The following KLHL22 variants were observed in gnomAD, a reference collection of about 807,000 sequenced individuals.
The protein encoded by KLHL22 is kelch like family member 22, also known as kelch-like protein 22.
A neutral mutation model predicts 60.7 loss-of-function variants in KLHL22; 18 were observed. The observed-to-expected ratio is 0.30, with a 90% confidence interval of 0.20 to 0.44. KLHL22 has a LOEUF of 0.44. KLHL22 is among the 20% of genes least tolerant of loss of function. KLHL22 has a pLI of 1.00. For missense variants in KLHL22, 596 were observed against 852.3 expected (o/e 0.70, Z 3.74); for synonymous variants, 355 against 354.5 (o/e 1.00, Z -0.01).
At chr22:20,464,778 C>T (rs187622741) in intron 4 of KLHL22, 80 bp downstream of exon 4, 1 of 869,294 alleles carries the variant, frequency 1.2e-6, no homozygotes, top group Non-Finnish European at 1.8e-6. Context: ...TGGGGGGAAC[C>T]TGACCAGCTC....
intron 1 of KLHL22, among the ~76,000 whole-genome samples, chr22:20,489,577 T>C (rs756843746): frequency 6.6e-6 from 1 of 152,158 alleles, no homozygotes; most frequent in Non-Finnish European, 1.5e-5. Context: ...ATGACCAAAC[T>C]GAGCCTCGAG....
chr22:20,474,153 C>T (rs958617311), intron 2 of KLHL22, among the ~76,000 whole-genome samples: 15 of 152,082 alleles, frequency 9.9e-5, no homozygotes, highest in African/African-American at 3.4e-4. Context: ...GTGCCCCCCA[C>T]CACGCCCAGC....
intron 5 of KLHL22, chr22:20,450,940 G>T (rs2052966961): frequency 6.2e-7 from 1 of 1,611,352 alleles, no homozygotes; most frequent in Admixed American, 1.7e-5. Context: ...CAGGACAAGG[G>T]CTCGCCTAGG....
At chr22:20,468,593 T>C (rs177342) in intron 3 of KLHL22, among the ~76,000 whole-genome samples, 151,533 of 152,356 alleles carry the variant, frequency 0.99, 75,366 homozygotes, top group Middle Eastern at 1. Flanking sequence ...CATACATGAT[T>C]CTACAGGCCT....
chr22:20,451,123 G>A (rs2052970492), intron 5 of KLHL22: 1 of 1,507,904 alleles, frequency 6.6e-7, no homozygotes, highest in Non-Finnish European at 9.2e-7. Context: ...CGTCATTGGT[G>A]GCTGTGATGG....
chr22:20,476,959 G>C (rs1408217812), intron 2 of KLHL22, among the ~76,000 whole-genome samples: 5 of 150,732 alleles, frequency 3.3e-5, no homozygotes, highest in African/African-American at 1.2e-4. Context: ...CACCCACCTC[G>C]GCCTCCCATA....
chr22:20,464,289 T>C (rs2053197132), intron 4 of KLHL22, among the ~76,000 whole-genome samples: 1 of 152,338 alleles, frequency 6.6e-6, no homozygotes, highest in Non-Finnish European at 1.5e-5. Flanking sequence ...AGCGGAAATG[T>C]AGCATGAGGC....
intron 2 of KLHL22, among the ~76,000 whole-genome samples, chr22:20,477,106 T>C (rs1048285863): frequency 5.3e-5 from 8 of 151,618 alleles, no homozygotes; most frequent in Non-Finnish European, 1.2e-4. Flanking sequence ...AAGATTAGAC[T>C]GGGCAGCCAG....
intron 2 of KLHL22, chr22:20,488,704 GAAAGAAAAGAGA>G (rs1257709312): frequency 4.5e-5 from 23 of 509,030 alleles, no homozygotes; most frequent in Admixed American, 1.0e-4. Context: ...GAGAAAGGAG[GAAAGAAAAGAGA>G]AAAGAAAAGA....
At chr22:20,459,337 G>A (rs561806867) in intron 4 of KLHL22, among the ~76,000 whole-genome samples, 11 of 152,060 alleles carry the variant, frequency 7.2e-5, no homozygotes, top group African/African-American at 1.4e-4. Flanking sequence ...GCCCCTCCCC[G>A]CCGCCTACCA....
At chr22:20,493,520 G>A (rs538389580) in intron 1 of KLHL22, among the ~76,000 whole-genome samples, 2 of 152,340 alleles carry the variant, frequency 1.3e-5, no homozygotes, top group East Asian at 3.9e-4. Context: ...AGTGGCTCAC[G>A]CCTGTAATCC....
At chr22:20,470,440 G>A (rs1330480951) in intron 3 of KLHL22, among the ~76,000 whole-genome samples, 2 of 151,830 alleles carry the variant, frequency 1.3e-5, no homozygotes, top group African/African-American at 4.8e-5. Flanking sequence ...GAGGCCAGGG[G>A]TTCAAGACTA....
chr22:20,451,482 T>A, intron 5 of KLHL22: 1 of 1,599,106 alleles, frequency 6.3e-7, no homozygotes, highest in Non-Finnish European at 8.6e-7. Context: ...ACTGGACTAA[T>A]GTTACACCAA....
At chr22:20,475,082 T>C (rs766758277) in intron 2 of KLHL22, 8 of 152,244 alleles carry the variant, frequency 5.3e-5, no homozygotes, top group Non-Finnish European at 1.0e-4. Context: ...AGTTTTCTGT[T>C]AGACTGTCTT....
In KLHL22 at chr22:20,458,655, T is replaced by C. The variant is rs28478721; in HGVS notation, c.1113-655A>G. Among the ~76,000 whole-genome samples the C allele has an allele frequency of 8.1e-3, 1,226 of 151,870 alleles. 24 individuals carry two copies. The highest frequency in any genetic ancestry group is 0.028 in the African/African-American group (1,139 of 41,396). Reference sequence around the variant, plus strand: ...TGGATGGGTGCCATCAGCCCCCTCATTGGCCTCCAAGCCTTGAACTTCCCC... The same window carrying C: ...TGGATGGGTGCCATCAGCCCCCTCACTGGCCTCCAAGCCTTGAACTTCCCC... On this transcript the variant is annotated intron_variant, in intron 4 of 6. Coordinates refer to ENST00000328879, the MANE Select transcript of KLHL22 (RefSeq NM_032775.4).
rs147792285 is a variant in KLHL22 at position 20,483,645 on chromosome 22, G to A, written c.227+5340C>T. Reference sequence around the variant, plus strand: ...CATCAGCAGCAAGACGGGCATTGTCGATCTACAGAAAGATACGGGCGTTGT... The same window carrying A: ...CATCAGCAGCAAGACGGGCATTGTCAATCTACAGAAAGATACGGGCGTTGT... On this transcript the variant is annotated intron_variant, in intron 2 of 6. Transcript: ENST00000328879. The A allele has an allele frequency of 1.0e-4, 75 of 726,092 alleles. 1 individual carries two copies. In the East Asian group the frequency reaches 1.1e-3, roughly 11 times the overall value. 45.0% of individuals were successfully genotyped at this position (726,092 alleles called of 1,614,324 possible).
chr22:20,483,056 T>C (rs1436253770), intron 2 of KLHL22: 4 of 664,960 alleles, frequency 6.0e-6, no homozygotes, highest in Non-Finnish European at 8.2e-6. Context: ...TGCCCGGATT[T>C]GTGCCACCTC....
chr22:20,482,801 C>T, intron 2 of KLHL22: 2 of 1,207,428 alleles, frequency 1.7e-6, no homozygotes, highest in Non-Finnish European at 2.4e-6. Flanking sequence ...AAAGGATACC[C>T]TGCTTCTGGT....
chr22:20,473,384 G>A (rs1050295355), intron 2 of KLHL22, among the ~76,000 whole-genome samples: 6 of 152,184 alleles, frequency 3.9e-5, no homozygotes, highest in Admixed American at 6.5e-5. Flanking sequence ...TGGGAGTCCC[G>A]TGATTGTGTG....
Sources: allele counts gnomAD v4.1 joint callset (sites outside exome capture counted in the v4.1 genomes callset), GRCh38; gene constraint gnomAD v4.1.1; transcripts MANE v1.5; gene names NCBI Gene and HGNC (gene_info 2026-07-23, HGNC 2026-07-21).